The following ANKRD11 variants were observed in gnomAD, a reference collection of about 807,000 sequenced individuals.
The protein encoded by ANKRD11 is ankyrin repeat domain-containing protein 11.
A neutral mutation model predicts 195.7 loss-of-function variants in ANKRD11; 17 were observed. The ratio of observed to expected loss-of-function variants is 0.09; its 90% CI spans 0.06 to 0.13. The LOEUF (loss-of-function observed/expected upper bound fraction) is 0.13. Among genes scored for constraint, ANKRD11 ranks in the 10% least tolerant of loss-of-function variants. The pLI, the probability that ANKRD11 is intolerant of heterozygous loss-of-function variation, is 1.00. For missense variants in ANKRD11, 3,735 were observed against 3,566.1 expected (o/e 1.05, Z -1.21); for synonymous variants, 1,953 against 1,528.1 (o/e 1.28, Z -6.49).
Position 89,291,131 on chromosome 16 carries a change from C to A in ANKRD11, c.279G>T (p.Lys93Asn), listed in dbSNP as rs1216123224. Residue 93 changes from lysine (K) to asparagine (N), a missense_variant, in exon 5 of 13, where the codon AAG becomes AAT. Lys to Asn is a moderately conservative substitution (Grantham distance 94, BLOSUM62 0). Transcript: ENST00000301030. The surrounding 1 kb of genome is among the most constrained non-coding windows in gnomAD (Gnocchi z 5.3). ...KRIKKEPVTR[K>N]AGLLFGMGLS... The stretch of plus-strand genomic sequence containing the variant: ...GCCCCATGCCAAACAGCAGCCCGGC[C>A]TTCCGGGTGACAGGCTCCTTCTTAA... 2 of 1,614,022 alleles carry A rather than the reference C, an allele frequency of 1.2e-6. No homozygotes were observed. The highest frequency in any genetic ancestry group is 2.2e-5 in the South Asian group (2 of 91,082).
intron 2 of ANKRD11, among the ~76,000 whole-genome samples, chr16:89,403,321 C>T (rs1426905976): frequency 1.3e-5 from 2 of 152,138 alleles, no homozygotes; most frequent in African/African-American, 2.4e-5. Flanking sequence ...CCCTCCTGAC[C>T]GGCCCCTCCT....
intron 1 of ANKRD11, among the ~76,000 whole-genome samples, chr16:89,488,148 G>A (rs913303536): frequency 6.6e-6 from 1 of 152,086 alleles, no homozygotes; most frequent in African/African-American, 2.4e-5. Context: ...TAGAACAGAA[G>A]AAAAAAACTG....
chr16:89,352,503 G>A (rs1410427797), intron 2 of ANKRD11, among the ~76,000 whole-genome samples: 10 of 152,122 alleles, frequency 6.6e-5, no homozygotes, highest in Admixed American at 6.5e-4. Flanking sequence ...ACACCCTTCA[G>A]AGCTTCTGGC....
intron 2 of ANKRD11, among the ~76,000 whole-genome samples, chr16:89,387,692 G>GAAAAA (rs920498026): frequency 1.5e-5 from 1 of 67,510 alleles, no homozygotes; most frequent in African/African-American, 5.3e-5. Flanking sequence ...AAAAGAAAAA[G>GAAAAA]AAAAAAAAAA....
At chr16:89,305,816 C>T (rs1439858835) in intron 3 of ANKRD11, among the ~76,000 whole-genome samples, 1 of 133,484 alleles carries the variant, frequency 7.5e-6, no homozygotes, top group Non-Finnish European at 1.6e-5. Flanking sequence ...CGCAGACATG[C>T]GCCACTTACC....
rs2039199609 is a variant in ANKRD11, at chr16:89,351,184, CAG to C, written c.-59-34108_-59-34107del. Among the ~76,000 whole-genome samples the C allele has an allele frequency of 2.6e-5, 4 of 152,208 alleles. 1 individual carries two copies. In the South Asian group the frequency reaches 8.3e-4, roughly 31 times the overall value. ...TCAAGAGCACTGTTGTGAAGAAAAG[CAG>C]AGAGGCGGCGGCGGCAGCTGGTGGT... On this transcript the variant is annotated intron_variant, in intron 2 of 12. Transcript: ENST00000301030.
In ANKRD11 at chr16:89,268,410, C is replaced by G; in HGVS notation, c.*68G>C. The G allele has an allele frequency of 2.7e-6, 2 of 728,578 alleles. No individual in the cohort carries two copies. Among genetic ancestry groups the G allele is most frequent in the Non-Finnish European group, 4.4e-6 (2 of 451,958 alleles). 45.1% of individuals were successfully genotyped at this position (728,578 alleles called of 1,614,324 possible). Reference sequence around the variant, plus strand: ...GGACAGGGCGCTCCCTCCTCCGCCCCTGGGGCTCAGCAGCAGTCCTGGGCA... The same window carrying G: ...GGACAGGGCGCTCCCTCCTCCGCCCGTGGGGCTCAGCAGCAGTCCTGGGCA... On this transcript the variant is annotated 3_prime_UTR_variant, in exon 13 of 13. Transcript: ENST00000301030.
intron 2 of ANKRD11, among the ~76,000 whole-genome samples, chr16:89,341,630 C>A (rs1161458529): frequency 6.6e-6 from 1 of 152,252 alleles, no homozygotes; most frequent in Non-Finnish European, 1.5e-5. Context: ...GCCCATAAAT[C>A]CCACCGTTAA....
chr16:89,363,493 A>G (rs1255583283), intron 2 of ANKRD11, among the ~76,000 whole-genome samples: 1 of 147,908 alleles, frequency 6.8e-6, no homozygotes, highest in East Asian at 2.0e-4. Context: ...AAAAAAAAAA[A>G]GATTCAGTCT....
chr16:89,441,096 C>T (rs2043439098), intron 1 of ANKRD11, among the ~76,000 whole-genome samples: 2 of 151,590 alleles, frequency 1.3e-5, no homozygotes, highest in Non-Finnish European at 2.9e-5. Flanking sequence ...ATTAGCCGGG[C>T]GTGGTGGTGG....
rs535915530 is a variant in ANKRD11 at position 89,383,850 on chromosome 16, C to G, written c.-60+34434G>C. Among the ~76,000 whole-genome samples the G allele has an allele frequency of 3.8e-3, 580 of 152,318 alleles. 2 individuals carry two copies. Among genetic ancestry groups the G allele is most frequent in the Admixed American group, 6.5e-3 (100 of 15,294 alleles). On this transcript the variant is annotated intron_variant, in intron 2 of 12. Transcript: ENST00000301030. ...GACTCCTCCCTCACTCCCACCTTTC[C>G]CAAACACCACCTCCAAGCTCCAGTC... is the stretch of plus-strand genomic sequence containing the variant.
rs1269390165 is a variant in ANKRD11, at chr16:89,419,139, T to C, written c.-144-771A>G. Among the ~76,000 whole-genome samples, 5 of 152,178 alleles carry C rather than the reference T, an allele frequency of 3.3e-5. No homozygotes were observed. The East Asian group carries it at 5.8e-4, about 18-fold the overall frequency. Reference sequence around the variant, plus strand: ...GTATTTTAAGAGGAAAAGATTATACTGCAGTACCATTTTTTTAAAAAGCTG... The same window carrying C: ...GTATTTTAAGAGGAAAAGATTATACCGCAGTACCATTTTTTTAAAAAGCTG... On this transcript the variant is annotated intron_variant, in intron 1 of 12. Coordinates refer to ENST00000301030, the MANE Select transcript of ANKRD11 (RefSeq NM_013275.6).
intron 11 of ANKRD11, chr16:89,273,100 A>G (rs1368197622): frequency 6.6e-6 from 1 of 152,104 alleles, no homozygotes; most frequent in African/African-American, 2.4e-5. Flanking sequence ...TGACAGCACA[A>G]TAGGGTAACT....
Position 89,279,950 on chromosome 16 carries a change from G to A in ANKRD11, c.6592C>T (p.Arg2198Trp), listed in dbSNP as rs1384428326. 4.3e-6 allele frequency: 7 copies of A among 1,610,096 alleles called. No homozygotes were observed. Among genetic ancestry groups the A allele is most frequent in the Non-Finnish European group, 5.1e-6 (6 of 1,179,870 alleles). The change falls in exon 9 of 13, where the codon CGG becomes TGG. Residue 2198 changes from arginine (R) to tryptophan (W), a missense_variant. Arg to Trp is a moderately radical substitution (Grantham distance 101, BLOSUM62 -3). Coordinates refer to ENST00000301030, the MANE Select transcript of ANKRD11 (RefSeq NM_013275.6). The surrounding 1 kb of genome is among the most constrained non-coding windows in gnomAD (Gnocchi z 5.6). ...PALPPDQAST[R>W]LPAELEPEPS... ...TCAGGCTCGAGCTCTGCAGGGAGCCGGGTGGAGGCCTGGTCAGGAGGCAGT... is the reference window on the plus strand; with the variant it reads ...TCAGGCTCGAGCTCTGCAGGGAGCCAGGTGGAGGCCTGGTCAGGAGGCAGT...
Position 89,281,466 on chromosome 16 carries a change from G to T in ANKRD11, c.5076C>A (p.Ser1692=). 6.2e-7 allele frequency: 1 copy of T among 1,614,144 alleles called. No individual in the cohort carries two copies. Among genetic ancestry groups the T allele is most frequent in the Non-Finnish European group, 8.5e-7 (1 of 1,179,996 alleles). ...TGGGCCGGCTCTGGTCAGGCCTGGG[G>T]GACGCAGGCAGGACCTCTTTCATGT... The part of the protein sequence containing the change: ...GPHMKEVLPA[S]PRPDQSRPTG... The change falls in exon 9 of 13, where the codon TCC becomes TCA. Residue 1692 remains serine, a synonymous_variant. Transcript: ENST00000301030. This position sits in a 1 kb window ranked among gnomAD's most constrained non-coding sequence, Gnocchi z 5.5.
chr16:89,396,723 GT>G (rs1474915967), intron 2 of ANKRD11, among the ~76,000 whole-genome samples: 8 of 152,180 alleles, frequency 5.3e-5, no homozygotes, highest in African/African-American at 1.9e-4. Context: ...GTTTTACTCT[GT>G]CGCCCAGGCT....
chr16:89,469,467 C>T (rs1317400663), intron 1 of ANKRD11, among the ~76,000 whole-genome samples: 2 of 152,064 alleles, frequency 1.3e-5, no homozygotes, highest in Non-Finnish European at 2.9e-5. Flanking sequence ...AGGTGATCCA[C>T]CCACCTTGGC....
chr16:89,310,304 G>C (rs561166577), intron 3 of ANKRD11, among the ~76,000 whole-genome samples: 158 of 152,332 alleles, frequency 1.0e-3, no homozygotes, highest in African/African-American at 3.7e-3. Flanking sequence ...CCATGGGTCT[G>C]TCCTGCTACC....
chr16:89,450,982 G>C (rs764275375), intron 1 of ANKRD11, among the ~76,000 whole-genome samples: 6 of 152,140 alleles, frequency 3.9e-5, no homozygotes, highest in Non-Finnish European at 8.8e-5. Flanking sequence ...AGAGGTGATC[G>C]GGGTGATCAG....
Sources: gnomAD v4.1 joint callset for allele counts (sites outside exome capture counted in the v4.1 genomes callset) on GRCh38, gnomAD v4.1.1 for gene constraint, Gnocchi (gnomAD v3.1) non-coding constraint, MANE v1.5 for transcripts, NCBI Gene and HGNC (gene_info 2026-07-23, HGNC 2026-07-21) for gene names.